HCRTR2: variants seen among roughly 807,000 people sequenced by gnomAD.
The protein encoded by HCRTR2 is hypocretin receptor 2.
HCRTR2 carries 22 observed loss-of-function variants against 49.0 expected under a neutral mutation model. The ratio of observed to expected loss-of-function variants is 0.45; its 90% CI spans 0.32 to 0.64. The LOEUF is 0.64. Among genes scored for constraint, HCRTR2 ranks in the 30% least tolerant of loss-of-function variants. The pLI, the probability that HCRTR2 is intolerant of heterozygous loss-of-function variation, is 0.04. For synonymous variants in HCRTR2, 236 were observed against 205.3 expected (o/e 1.15, Z -1.28); for missense variants, 491 against 559.4 (o/e 0.88, Z 1.23).
intron 3 of HCRTR2, among the ~76,000 whole-genome samples, chr6:55,262,786 A>G (rs527610540): frequency 7.7e-6 from 1 of 130,610 alleles, no homozygotes; most frequent in Non-Finnish European, 1.6e-5. Flanking sequence ...ATATATATAT[A>G]TCTTCTAGAG....
chr6:55,260,994 C>T (rs1468651968), intron 3 of HCRTR2, among the ~76,000 whole-genome samples: 1 of 152,034 alleles, frequency 6.6e-6, no homozygotes, highest in Non-Finnish European at 1.5e-5. Context: ...ATGGGATAAA[C>T]CCCCTTGTCA....
chr6:55,247,103 G>A (rs542575504), intron 1 of HCRTR2, among the ~76,000 whole-genome samples: 1 of 152,088 alleles, frequency 6.6e-6, no homozygotes, highest in Admixed American at 6.6e-5. Context: ...AACAAACTGT[G>A]ATAATGTGTA....
intron 1 of HCRTR2, among the ~76,000 whole-genome samples, chr6:55,233,687 C>A (rs915758797): frequency 6.2e-5 from 9 of 145,380 alleles, no homozygotes; most frequent in African/African-American, 9.9e-5. Context: ...AGAGCAAGAC[C>A]CTGTCTCTAA....
chr6:55,142,814 C>T (rs9475166), intron 1 of HCRTR2, among the ~76,000 whole-genome samples: 36,279 of 150,102 alleles, frequency 0.24, 4,714 homozygotes, highest in African/African-American at 0.32. Flanking sequence ...TATTTCTATA[C>T]AAGGAAACAC....
At chr6:55,185,184 T>C (rs2127275108) in intron 1 of HCRTR2, among the ~76,000 whole-genome samples, 1 of 152,322 alleles carries the variant, frequency 6.6e-6, no homozygotes, top group Admixed American at 6.5e-5. Context: ...TTATATAGAC[T>C]GAAGATAAAA....
intron 3 of HCRTR2, among the ~76,000 whole-genome samples, chr6:55,259,436 G>A (rs914087145): frequency 6.6e-6 from 1 of 151,886 alleles, no homozygotes; most frequent in Non-Finnish European, 1.5e-5. Flanking sequence ...TTGAATATTG[G>A]GAAATTATAT....
intron 1 of HCRTR2, among the ~76,000 whole-genome samples, chr6:55,162,823 C>A (rs1354249888): frequency 1.3e-5 from 2 of 152,112 alleles, no homozygotes; most frequent in Non-Finnish European, 2.9e-5. Flanking sequence ...AAAGAGGATA[C>A]AAACAAATGC....
At chr6:55,192,411 G>GCC (rs1436691152) in intron 1 of HCRTR2, among the ~76,000 whole-genome samples, 1 of 44,692 alleles carries the variant, frequency 2.2e-5, no homozygotes, top group East Asian at 1.1e-3. Flanking sequence ...ACGCGCGCGC[G>GCC]CGCACACACA....
chr6:55,155,530 C>T (rs1764719062), intron 1 of HCRTR2, among the ~76,000 whole-genome samples: 1 of 151,920 alleles, frequency 6.6e-6, no homozygotes, highest in Admixed American at 6.6e-5. Flanking sequence ...TGTTGTCTTT[C>T]AGGCAAGATA....
At chr6:55,259,364 A>G (rs964640987) in intron 3 of HCRTR2, among the ~76,000 whole-genome samples, 1 of 152,162 alleles carries the variant, frequency 6.6e-6, no homozygotes, top group Non-Finnish European at 1.5e-5. Context: ...AGAAGATAGT[A>G]AAACATATTA....
intron 1 of HCRTR2, among the ~76,000 whole-genome samples, chr6:55,218,730 G>T (rs1450664726): frequency 6.6e-6 from 1 of 152,170 alleles, no homozygotes; most frequent in Non-Finnish European, 1.5e-5. Flanking sequence ...AAACATATAT[G>T]TATTCAATCT....
At chr6:55,158,777 T>C (rs563866502) in intron 1 of HCRTR2, among the ~76,000 whole-genome samples, 1 of 152,338 alleles carries the variant, frequency 6.6e-6, no homozygotes, top group Non-Finnish European at 1.5e-5. Flanking sequence ...TGGGCAGGGC[T>C]TCTCTGAAAG....
At position 55,203,555 on chromosome 6, in the gene HCRTR2, C is replaced by T. The variant is rs192106746; in HGVS notation, c.223+28745C>T. On this transcript the variant is annotated intron_variant, in intron 1 of 6. Coordinates refer to ENST00000370862, the MANE Select transcript of HCRTR2 (RefSeq NM_001384272.1). ...TTAAAATTTTAGATGAAGTTAAGTG[C>T]TATGGAAAAAAGTAAAATGGAAGAG... Among the ~76,000 whole-genome samples, 75 of 152,058 alleles carry T rather than the reference C, an allele frequency of 4.9e-4. 1 individual carries two copies. The highest frequency in any genetic ancestry group is 1.8e-3 in the African/African-American group (73 of 41,478).
intron 1 of HCRTR2, among the ~76,000 whole-genome samples, chr6:55,200,706 G>A (rs1253976958): frequency 2.0e-5 from 3 of 152,032 alleles, no homozygotes; most frequent in Non-Finnish European, 2.9e-5. Context: ...TTCATGACAA[G>A]ACAATTAGTA....
chr6:55,257,595 C>T (rs1262714954), intron 3 of HCRTR2, among the ~76,000 whole-genome samples: 1 of 144,658 alleles, frequency 6.9e-6, no homozygotes, highest in African/African-American at 2.4e-5. Context: ...GTCATGGATT[C>T]CTGTTCAGTT....
chr6:55,175,578 T>TG (rs1022050557), intron 1 of HCRTR2, among the ~76,000 whole-genome samples: 1 of 151,996 alleles, frequency 6.6e-6, no homozygotes, highest in Non-Finnish European at 1.5e-5. Flanking sequence ...TTGTTGTTGT[T>TG]TTGTTTTGTT....
intron 1 of HCRTR2, among the ~76,000 whole-genome samples, chr6:55,177,359 C>T (rs546838914): frequency 9.8e-5 from 15 of 152,286 alleles, no homozygotes; most frequent in Middle Eastern, 3.4e-3. Flanking sequence ...TTTAAACAAA[C>T]GAGTAGTGTC....
chr6:55,251,025 T>C (rs1271312769), intron 2 of HCRTR2, among the ~76,000 whole-genome samples: 3 of 152,198 alleles, frequency 2.0e-5, no homozygotes, highest in Admixed American at 1.3e-4. Context: ...TCATTTTTCA[T>C]AGAATGTTCC....
intron 1 of HCRTR2, among the ~76,000 whole-genome samples, chr6:55,190,464 G>C (rs1167169707): frequency 3.3e-5 from 5 of 152,124 alleles, no homozygotes; most frequent in South Asian, 2.1e-4. Flanking sequence ...TACTAAATTT[G>C]ATATAGTACA....
Sources: allele counts gnomAD v4.1 joint callset (sites outside exome capture counted in the v4.1 genomes callset), GRCh38; gene constraint gnomAD v4.1.1; transcripts MANE v1.5; gene names NCBI Gene and HGNC (gene_info 2026-07-23, HGNC 2026-07-21).